The following OPA3 variants were observed in gnomAD, a reference collection of about 807,000 sequenced individuals.
OPA3 encodes outer mitochondrial membrane lipid metabolism regulator OPA3, also known as optic atrophy 3 protein.
Under a neutral mutation model 4.0 loss-of-function variants are expected in OPA3, and 6 were observed. The ratio of observed to expected loss-of-function variants is 1.51; its 90% CI spans 0.83 to 2.99. The LOEUF (loss-of-function observed/expected upper bound fraction) is 2.99, where lower values mean the gene tolerates loss of function less well. OPA3 is among the 30% of genes most tolerant of loss of function. The probability of loss-of-function intolerance (pLI) is 0.00; values close to 1 mark genes in which losing one functional copy is unlikely to be tolerated. For missense variants in OPA3, 235 were observed against 256.2 expected, an observed-to-expected ratio of 0.92 and a Z score of 0.56; for synonymous variants, 105 against 117.1, an observed-to-expected ratio of 0.90 and a Z score of 0.67.
Position 45,550,593 on chromosome 19 carries a change from ACTGG to A in OPA3, c.*2917_*2920del, listed in dbSNP as rs1969318048. The A allele has an allele frequency of 1.0e-6, 1 of 985,860 alleles. No individual in the cohort carries two copies. The highest frequency in any genetic ancestry group is 4.7e-5 in the South Asian group (1 of 21,308). The allele number at this position is 985,860 out of a possible 1,614,324, so 61.1% of individuals were successfully genotyped here. A position where few individuals can be genotyped will look rare whatever the true frequency, so the allele number is the denominator to read the frequency against. ...CACCACCCTGGGCAGTCAGCCCCTC[ACTGG>A]CTGTGGCATCTCTGGCAAGTCCCTT... is the stretch of plus-strand genomic sequence containing the variant. On this transcript the variant is annotated 3_prime_UTR_variant, in exon 2 of 2. Coordinates refer to ENST00000263275, the MANE Select transcript of OPA3 (RefSeq NM_025136.4).
intron 1 of OPA3, among the ~76,000 whole-genome samples, chr19:45,576,544 C>G (rs112608835): frequency 3.1e-5 from 4 of 130,690 alleles, no homozygotes; most frequent in Non-Finnish European, 6.9e-5. Flanking sequence ...ATCCCCCCCC[C>G]CCCAAAAAAA....
chr19:45,560,780 C>G (rs1969490707), intron 1 of OPA3, among the ~76,000 whole-genome samples: 1 of 152,176 alleles, frequency 6.6e-6, no homozygotes, highest in African/African-American at 2.4e-5. Flanking sequence ...CCCCGGAGCT[C>G]CAGGCCACAG....
At position 45,581,810 on chromosome 19, in the gene OPA3, T is replaced by C. The variant is rs146838603; in HGVS notation, c.142+2813A>G. On this transcript the variant is annotated intron_variant, in intron 1 of 1. Coordinates refer to ENST00000263275, the MANE Select transcript of OPA3 (RefSeq NM_025136.4). ...TGCGGGAGGGTGTTTTGTTTGTTTGTTTGAGATTGAGACAGTCTTGCTCTG... is the reference window on the plus strand; with the variant it reads ...TGCGGGAGGGTGTTTTGTTTGTTTGCTTGAGATTGAGACAGTCTTGCTCTG... Among the ~76,000 whole-genome samples, 355 of 152,306 alleles carry C rather than the reference T, an allele frequency of 2.3e-3. 2 individuals carry two copies. The highest frequency in any genetic ancestry group is 0.018 in the South Asian group (85 of 4,832).
Position 45,549,340 on chromosome 19 carries a change from G to T in OPA3, c.*4174C>A. Reference sequence around the variant, plus strand: ...AGTGGGGGAAGTAGATGGCCCTGCTGCCCACGATGACTGGCTGCCTGTCAG... The same window carrying T: ...AGTGGGGGAAGTAGATGGCCCTGCTTCCCACGATGACTGGCTGCCTGTCAG... On this transcript the variant is annotated 3_prime_UTR_variant, in exon 2 of 2. Transcript: ENST00000263275. 2.0e-6 allele frequency: 2 copies of T among 976,888 alleles called. No homozygotes were observed. Among genetic ancestry groups the T allele is most frequent in the Non-Finnish European group, 2.4e-6 (2 of 828,254 alleles). The allele number at this position is 976,888 out of a possible 1,614,324, so 60.5% of individuals were successfully genotyped here.
chr19:45,563,672 C>A (rs1161840229), intron 1 of OPA3, among the ~76,000 whole-genome samples: 1 of 151,888 alleles, frequency 6.6e-6, no homozygotes, highest in East Asian at 1.9e-4. Flanking sequence ...CCTCCCACCT[C>A]AGCCTCCCAA....
intron 1 of OPA3, among the ~76,000 whole-genome samples, chr19:45,562,491 C>T (rs1969519129): frequency 2.0e-5 from 3 of 151,494 alleles, no homozygotes; most frequent in Non-Finnish European, 4.4e-5. Flanking sequence ...GAGTTCAAGA[C>T]CAGTCTGGCC....
exon 2 of OPA3, chr19:45,528,064 A>G (rs1969013185): frequency 6.6e-6 from 1 of 152,394 alleles, no homozygotes; most frequent in Non-Finnish European, 1.5e-5. Flanking sequence ...AAGTTGGGCG[A>G]ACTGACGATG....
chr19:45,578,442 C>G (rs1424348994), intron 1 of OPA3, among the ~76,000 whole-genome samples: 1 of 146,346 alleles, frequency 6.8e-6, no homozygotes, highest in Non-Finnish European at 1.5e-5. Context: ...TAACTGAGCA[C>G]AAGACATCTC....
intron 1 of OPA3, among the ~76,000 whole-genome samples, chr19:45,565,245 A>G (rs1490651665): frequency 6.6e-6 from 1 of 152,032 alleles, no homozygotes; most frequent in East Asian, 1.9e-4. Flanking sequence ...AAAACAAAAC[A>G]AAAAACAAAA....
At chr19:45,583,732 C>T (rs1266860785) in intron 1 of OPA3, among the ~76,000 whole-genome samples, 1 of 149,804 alleles carries the variant, frequency 6.7e-6, no homozygotes, top group Non-Finnish European at 1.5e-5. Context: ...GAACTCCTGG[C>T]CTCATGTGAT....
At chr19:45,583,826 T>A (rs1188557010) in intron 1 of OPA3, among the ~76,000 whole-genome samples, 1 of 152,148 alleles carries the variant, frequency 6.6e-6, no homozygotes, top group Non-Finnish European at 1.5e-5. Flanking sequence ...AGATCTGAGC[T>A]CGGGCGGCCC....
chr19:45,550,899 T>C lies in OPA3; in HGVS notation c.*2615A>G. Reference sequence around the variant, plus strand: ...AGAGAAACCCAGTAGAAAAGGGTGGTTCCTAGACTGTTCCTCTCAGCTAGC... The same window carrying C: ...AGAGAAACCCAGTAGAAAAGGGTGGCTCCTAGACTGTTCCTCTCAGCTAGC... On this transcript the variant is annotated 3_prime_UTR_variant, in exon 2 of 2. Coordinates refer to ENST00000263275, the MANE Select transcript of OPA3 (RefSeq NM_025136.4). The C allele has an allele frequency of 6.1e-6, 6 of 985,820 alleles. No homozygotes were observed. The highest frequency in any genetic ancestry group is 7.2e-6 in the Non-Finnish European group (6 of 830,012). 61.1% of individuals were successfully genotyped at this position (985,820 alleles called of 1,614,324 possible).
rs1464730398 is a variant in OPA3 at position 45,584,564 on chromosome 19, A to C, written c.142+59T>G. The C allele has an allele frequency of 3.1e-6, 5 of 1,613,206 alleles. No individual in the cohort carries two copies. The African/African-American group carries it at 6.7e-5, about 22-fold the overall frequency. ...TAGACAGAAGTCCATCCCCTAAGCA[A>C]CCACCTGACAGGGGTTGGAGAAAGG... On this transcript the variant is annotated intron_variant, in intron 1 of 1. Transcript: ENST00000263275.
At position 45,553,610 on chromosome 19, in the gene OPA3, G is replaced by A. The variant is rs759536853; in HGVS notation, c.444C>T (p.Ala148=). The part of the protein sequence containing the change: ...AQVQAAPPQG[A]LEELRTELQE... ...GCAGCTCTGTGCGCAGTTCCTCCAG[G>A]GCGCCCTGTGGCGGCGCCGCCTGCA... Residue 148 remains alanine (A), a synonymous_variant, in exon 2 of 2, where the codon GCC becomes GCT. Transcript: ENST00000263275. 14 of 1,609,066 alleles carry A rather than the reference G, an allele frequency of 8.7e-6. No homozygotes were observed. The highest frequency in any genetic ancestry group is 1.6e-4 in the Middle Eastern group (1 of 6,068).
chr19:45,584,253 G>C (rs1261674433), intron 1 of OPA3: 1 of 814,844 alleles, frequency 1.2e-6, no homozygotes. Context: ...AAGGACAGCC[G>C]GGCAAAGGAC....
rs1376153949 is a variant in OPA3, at chr19:45,529,214, A to G, written c.385T>C (p.Leu129=). Reference sequence around the variant, plus strand: ...TGCAACTCCTCGAGCGCCAGCCCCAAGTGGCCCACCTCGCCCCGCAGCGCC... The same window carrying G: ...TGCAACTCCTCGAGCGCCAGCCCCAGGTGGCCCACCTCGCCCCGCAGCGCC... Residue 129 remains leucine (L), a synonymous_variant, in exon 2 of 2, where the codon TTG becomes CTG. Transcript: ENST00000323060. 9.9e-6 allele frequency: 16 copies of G among 1,612,400 alleles called. No individual in the cohort carries two copies. The Middle Eastern group carries it at 5.0e-4, about 50-fold the overall frequency.
rs370775683 is a variant in OPA3, at chr19:45,535,762, C to CTTTTTTT, written c.143-6313_143-6307dup. Among the ~76,000 whole-genome samples the CTTTTTTT allele has an allele frequency of 8.1e-5, 10 of 122,954 alleles. 1 individual carries two copies. The highest frequency in any genetic ancestry group is 1.9e-4 in the African/African-American group (6 of 31,752). 80.7% of individuals were successfully genotyped at this position (122,954 alleles called of 152,430 possible). On this transcript the variant is annotated intron_variant, in intron 1 of 1. Transcript: ENST00000323060. ...AACATAATAACTGTTTTTTTCTTTT[C>CTTTTTTT]TTTTTTTTTTTTTTTTTTAAGAGTT...
At chr19:45,570,239 A>G (rs1969641452) in intron 1 of OPA3, among the ~76,000 whole-genome samples, 1 of 152,236 alleles carries the variant, frequency 6.6e-6, no homozygotes, top group African/African-American at 2.4e-5. Flanking sequence ...CCATGAGTAC[A>G]TGAGCAAATT....
chr19:45,557,157 G>C (rs965797296), intron 1 of OPA3, among the ~76,000 whole-genome samples: 1 of 152,178 alleles, frequency 6.6e-6, no homozygotes, highest in Non-Finnish European at 1.5e-5. Flanking sequence ...AAGTGTCTCA[G>C]TGCAGACCAA....
Sources: gnomAD v4.1 joint callset for allele counts (sites outside exome capture counted in the v4.1 genomes callset) on GRCh38, gnomAD v4.1.1 for gene constraint, MANE v1.5 for transcripts, NCBI Gene and HGNC (gene_info 2026-07-23, HGNC 2026-07-21) for gene names.